Variants in HSDL2 observed in about 807,000 individuals in gnomAD.
HSDL2 encodes hydroxysteroid dehydrogenase-like protein 2.
Under a neutral mutation model 46.3 loss-of-function variants are expected in HSDL2, and 27 were observed. That is an observed-to-expected ratio of 0.58 (90% confidence interval 0.43 to 0.80). The LOEUF is 0.80. Ranked by LOEUF, HSDL2 falls within the 30% of genes least tolerant of loss-of-function variation. HSDL2 has a pLI of 0.00. For synonymous variants in HSDL2, 153 were observed against 163.6 expected, an observed-to-expected ratio of 0.94 and a Z score of 0.50; for missense variants, 451 against 502.7, an observed-to-expected ratio of 0.90 and a Z score of 0.98.
intron 9 of HSDL2, among the ~76,000 whole-genome samples, chr9:112,458,713 A>G (rs978211433): frequency 4.6e-5 from 7 of 152,018 alleles, no homozygotes; most frequent in South Asian, 2.1e-4. Flanking sequence ...CGGGCACGGT[A>G]TCTCATGCCT....
rs1425490908 is a variant in HSDL2, at chr9:112,416,899, A to G, written c.454A>G (p.Ser152Gly). The change falls in exon 5 of 11, where the codon AGT becomes GGT. Residue 152 changes from serine (S) to glycine (G), a missense_variant. Physicochemically the swap from Ser to Gly is moderately conservative, Grantham distance 56. Coordinates refer to ENST00000398805, the MANE Select transcript of HSDL2 (RefSeq NM_032303.5). The stretch of plus-strand genomic sequence containing the variant: ...CAAAGTTGCTCATATCCTCAATATC[A>G]GTCCACCACTGAACCTAAATCCAGT... ...KSKVAHILNI[S>G]PPLNLNPVWF... is the part of the protein sequence containing the mutation. 7 of 1,606,804 alleles carry G rather than the reference A, an allele frequency of 4.4e-6. No homozygotes were observed. The highest frequency in any genetic ancestry group is 1.3e-5 in the African/African-American group (1 of 74,788).
intron 3 of HSDL2, among the ~76,000 whole-genome samples, chr9:112,406,316 T>A (rs1163770910): frequency 2.6e-5 from 4 of 152,206 alleles, no homozygotes; most frequent in Non-Finnish European, 4.4e-5. Context: ...TCCTGGACAC[T>A]GCACAATCTA....
chr9:112,439,794 T>C (rs1345277177), intron 7 of HSDL2, among the ~76,000 whole-genome samples: 1 of 152,246 alleles, frequency 6.6e-6, no homozygotes, highest in Non-Finnish European at 1.5e-5. Flanking sequence ...ACACGAAATT[T>C]GGGAGAAGAC....
At chr9:112,458,356 C>T (rs1272555856) in intron 9 of HSDL2, among the ~76,000 whole-genome samples, 1 of 140,876 alleles carries the variant, frequency 7.1e-6, no homozygotes, top group African/African-American at 2.6e-5. Flanking sequence ...CGGAGTTTTG[C>T]TCTTGTTGCC....
chr9:112,400,561 C>G (rs1001988575), intron 1 of HSDL2, among the ~76,000 whole-genome samples: 1 of 152,206 alleles, frequency 6.6e-6, no homozygotes, highest in Non-Finnish European at 1.5e-5. Flanking sequence ...GAGCCAAGAT[C>G]GTGCCACTGC....
intron 10 of HSDL2, among the ~76,000 whole-genome samples, chr9:112,462,611 T>C (rs1418858151): frequency 7.1e-6 from 1 of 141,720 alleles, no homozygotes; most frequent in Non-Finnish European, 1.5e-5. Context: ...TGTGTGTGTG[T>C]GTGTGTGTGT....
At position 112,459,511 on chromosome 9, in the gene HSDL2, G is replaced by C; in HGVS notation, c.1078G>C (p.Glu360Gln). ...CAAGGGTGGGAATGTCGGATATGGA[G>C]AGCCTTCTGATCAGGCAGATGTGGT... ...KSKGGNVGYG[E>Q]PSDQADVVMS... The change falls in exon 10 of 11, where the codon GAG becomes CAG. Residue 360 changes from glutamate to glutamine, a missense_variant. Coordinates refer to ENST00000398805, the MANE Select transcript of HSDL2 (RefSeq NM_032303.5). The C allele has an allele frequency of 6.2e-7, 1 of 1,613,794 alleles. No individual in the cohort carries two copies. The highest frequency in any genetic ancestry group is 1.7e-5 in the Admixed American group (1 of 60,018).
intron 1 of HSDL2, among the ~76,000 whole-genome samples, chr9:112,380,391 G>T (rs765025234): frequency 7.2e-5 from 11 of 152,100 alleles, no homozygotes; most frequent in Non-Finnish European, 1.6e-4. Flanking sequence ...TGTATTACAG[G>T]ATGGCAGCAG....
At chr9:112,449,523 T>TAA in intron 8 of HSDL2, among the ~76,000 whole-genome samples, 1 of 152,168 alleles carries the variant, frequency 6.6e-6, no homozygotes, top group African/African-American at 2.4e-5. Context: ...CTTTTCTGAT[T>TAA]ATCTTTTTAA....
chr9:112,419,295 C>G (rs956066875), intron 6 of HSDL2, among the ~76,000 whole-genome samples: 1 of 152,148 alleles, frequency 6.6e-6, no homozygotes, highest in Admixed American at 6.5e-5. Flanking sequence ...TGAGCCACCA[C>G]GCCCGGCCTG....
intron 1 of HSDL2, among the ~76,000 whole-genome samples, chr9:112,393,489 A>G (rs892996446): frequency 5.9e-5 from 9 of 152,246 alleles, no homozygotes; most frequent in African/African-American, 1.7e-4. Context: ...TTTTTGATCA[A>G]TGCCCTGTTG....
intron 1 of HSDL2, among the ~76,000 whole-genome samples, chr9:112,385,653 A>AT (rs562750955): frequency 0.022 from 3,185 of 144,248 alleles, 51 homozygotes; most frequent in African/African-American, 0.048. Flanking sequence ...CGCCTGGCCG[A>AT]TTTTTTTTTT....
intron 6 of HSDL2, among the ~76,000 whole-genome samples, chr9:112,432,312 C>T (rs1047130489): frequency 2.6e-5 from 4 of 152,186 alleles, no homozygotes; most frequent in African/African-American, 9.7e-5. Flanking sequence ...CCCTTCACAT[C>T]ACTTACACCG....
At chr9:112,449,846 T>A (rs1183356424) in intron 8 of HSDL2, among the ~76,000 whole-genome samples, 3 of 151,666 alleles carry the variant, frequency 2.0e-5, no homozygotes, top group Non-Finnish European at 4.4e-5. Context: ...AAAAAAAAAA[T>A]TCACCATTTG....
chr9:112,421,243 C>T (rs1348439500), intron 6 of HSDL2, among the ~76,000 whole-genome samples: 1 of 152,142 alleles, frequency 6.6e-6, no homozygotes, highest in African/African-American at 2.4e-5. Context: ...TGTAGGATTG[C>T]TTGAGCCCTG....
intron 10 of HSDL2, among the ~76,000 whole-genome samples, chr9:112,469,071 G>GT (rs1833486716): frequency 6.6e-6 from 1 of 152,066 alleles, no homozygotes; most frequent in Non-Finnish European, 1.5e-5. Flanking sequence ...TTTATTATTT[G>GT]TAAGTATTGG....
rs770591902 is a variant in HSDL2, at chr9:112,438,483, G to T, written c.651G>T (p.Gln217His). The T allele has an allele frequency of 3.1e-6, 5 of 1,610,912 alleles. No homozygotes were observed. The African/African-American group carries it at 4.0e-5, about 13-fold the overall frequency. Residue 217 changes from glutamine to histidine, a missense_variant, in exon 7 of 11, where the codon CAG becomes CAT. Gln to His is a conservative substitution (Grantham distance 24, BLOSUM62 0). Transcript: ENST00000398805. ...TGGGAGGACCTGGTATCGAAAGCCA[G>T]TGTAGAAAAGTTGATATCATTGCAG... ...DMLGGPGIES[Q>H]CRKVDIIADA... is the part of the protein sequence containing the mutation.
At chr9:112,460,594 C>G (rs1190716461) in intron 10 of HSDL2, among the ~76,000 whole-genome samples, 1 of 152,054 alleles carries the variant, frequency 6.6e-6, no homozygotes, top group Non-Finnish European at 1.5e-5. Context: ...ACAGAAAATA[C>G]AAAAATTGGT....
At chr9:112,430,136 T>C (rs1477974608) in intron 6 of HSDL2, among the ~76,000 whole-genome samples, 1 of 151,762 alleles carries the variant, frequency 6.6e-6, no homozygotes, top group African/African-American at 2.4e-5. Context: ...GAGTGCCAAG[T>C]CCTAACCGTC....
Sources: gnomAD v4.1 joint callset for allele counts (sites outside exome capture counted in the v4.1 genomes callset) on GRCh38, gnomAD v4.1.1 for gene constraint, MANE v1.5 for transcripts, NCBI Gene and HGNC (gene_info 2026-07-23, HGNC 2026-07-21) for gene names.